TAB2: variants seen among roughly 807,000 people sequenced by gnomAD.
TAB2 encodes the protein TGF-beta-activated kinase 1 and MAP3K7-binding protein 2.
Under a neutral mutation model 65.0 loss-of-function variants are expected in TAB2, and 3 were observed. The observed-to-expected ratio is 0.05, with a 90% CI of 0.02 to 0.12. The LOEUF (loss-of-function observed/expected upper bound fraction) is 0.12, where lower values mean the gene tolerates loss of function less well. TAB2 is among the 10% of genes least tolerant of loss of function. The pLI is 1.00. For synonymous variants in TAB2, 298 were observed against 285.1 expected (o/e 1.05, Z -0.46); for missense variants, 623 against 840.3 (o/e 0.74, Z 3.20).
intron 1 of TAB2, among the ~76,000 whole-genome samples, chr6:149,281,384 AC>A (rs1778570311): frequency 6.6e-6 from 1 of 151,974 alleles, no homozygotes; most frequent in African/African-American, 2.4e-5. Flanking sequence ...AAGAGTTATA[AC>A]CAATAATCCA....
At chr6:149,403,243 A>ATATATATATAT (rs1289811809) in intron 6 of TAB2, among the ~76,000 whole-genome samples, 2 of 48,920 alleles carry the variant, frequency 4.1e-5, no homozygotes, top group African/African-American at 2.0e-4. Flanking sequence ...CTAAAAAAAA[A>ATATATATATAT]AAAAATATAT....
chr6:149,312,299 T>C (rs1779179041), intron 1 of TAB2, among the ~76,000 whole-genome samples: 1 of 152,228 alleles, frequency 6.6e-6, no homozygotes, highest in Admixed American at 6.5e-5. Flanking sequence ...AATGAATGAA[T>C]GATGCTCTTC....
At chr6:149,346,690 G>A (rs912925139) in intron 1 of TAB2, 1 of 152,026 alleles carries the variant, frequency 6.6e-6, no homozygotes, top group Non-Finnish European at 1.5e-5. Context: ...CTGACCTCAG[G>A]TGATTCGCCC....
At chr6:149,328,897 T>C (rs534114018) in intron 1 of TAB2, among the ~76,000 whole-genome samples, 6 of 152,266 alleles carry the variant, frequency 3.9e-5, no homozygotes, top group African/African-American at 1.4e-4. Flanking sequence ...TGACACTTAA[T>C]CTGAGTGTAT....
chr6:149,366,464 G>T, intron 1 of TAB2, among the ~76,000 whole-genome samples: 1 of 152,086 alleles, frequency 6.6e-6, no homozygotes, highest in East Asian at 1.9e-4. Context: ...TTATGATCAT[G>T]CCATTGTCTG....
chr6:149,344,324 C>G lies in TAB2; in HGVS notation c.-89-25585C>G, dbSNP rs188075327. 2.4e-3 allele frequency among the ~76,000 whole-genome samples: 365 copies of G among 152,086 alleles called. 2 individuals carry two copies. Among genetic ancestry groups the G allele is most frequent in the African/African-American group, 8.5e-3 (351 of 41,474 alleles). On this transcript the variant is annotated intron_variant, in intron 1 of 6. Coordinates refer to ENST00000637181, the MANE Select transcript of TAB2 (RefSeq NM_001292034.3). Reference sequence around the variant, plus strand: ...AGCTGGGATGTAGAAATCAATAAACCTTGTTTTAGTGAGCTTACAGACAAG... The same window carrying G: ...AGCTGGGATGTAGAAATCAATAAACGTTGTTTTAGTGAGCTTACAGACAAG...
chr6:149,283,004 T>C (rs2114687166), intron 1 of TAB2, among the ~76,000 whole-genome samples: 1 of 152,336 alleles, frequency 6.6e-6, no homozygotes, highest in South Asian at 2.1e-4. Context: ...TTCACGAAGA[T>C]TTTATTTCCT....
intron 1 of TAB2, among the ~76,000 whole-genome samples, chr6:149,269,153 G>A (rs77649771): frequency 0.053 from 8,075 of 152,214 alleles, 256 homozygotes; most frequent in Middle Eastern, 0.12. Flanking sequence ...TGAAAATTGA[G>A]TCTGAGGCAT....
At chr6:149,230,131 T>A (rs1391536162) in intron 1 of TAB2, 1 of 152,226 alleles carries the variant, frequency 6.6e-6, no homozygotes, top group African/African-American at 2.4e-5. Flanking sequence ...ACCTACTGGA[T>A]GAAACTGATA....
chr6:149,394,725 G>C (rs1401593655), intron 3 of TAB2, among the ~76,000 whole-genome samples: 2 of 152,170 alleles, frequency 1.3e-5, no homozygotes, highest in Non-Finnish European at 2.9e-5. Flanking sequence ...TCTTAGAGTA[G>C]TGCCTGAAGT....
At position 149,410,836 on chromosome 6, in the gene TAB2, T is replaced by G. The variant is rs189149106; in HGVS notation, c.*1117T>G. On this transcript the variant is annotated 3_prime_UTR_variant, in exon 7 of 7. Coordinates refer to ENST00000637181, the MANE Select transcript of TAB2 (RefSeq NM_001292034.3). ...CCACAGAACTTGCACAAGCAGTTGT[T>G]ATTGGGAAAGTACAGTCTCAAAACC... The G allele has an allele frequency of 5.2e-5, 8 of 152,558 alleles. No individual in the cohort carries two copies. Among genetic ancestry groups the G allele is most frequent in the African/African-American group, 1.9e-4 (8 of 41,556 alleles). The allele number at this position is 152,558 out of a possible 1,614,324, so 9.5% of individuals were successfully genotyped here.
rs1562452539 is a variant in TAB2, at chr6:149,397,753, C to A, written c.1753C>A (p.Gln585Lys). Reference protein sequence around the residue: ...RRLKRSNSISQIPSLEEMQQL... With the variant: ...RRLKRSNSISKIPSLEEMQQL... The stretch of plus-strand genomic sequence containing the variant: ...CCTGAAAAGATCAAATTCTATATCC[C>A]AGATACCTTCCGTAAGTCTTTATGT... Residue 585 changes from glutamine to lysine, a missense_variant, in exon 4 of 7, where the codon CAG (glutamine) becomes AAG (lysine). Gln to Lys is a moderately conservative substitution (Grantham distance 53). Around this residue, in one of 3 missense-constraint regions of TAB2, gnomAD observed 550 missense variants for 665.7 expected, o/e 0.83. Coordinates refer to ENST00000637181, the MANE Select transcript of TAB2 (RefSeq NM_001292034.3). 2 of 1,613,326 alleles carry A rather than the reference C, an allele frequency of 1.2e-6. No individual in the cohort carries two copies. Among genetic ancestry groups the A allele is most frequent in the Non-Finnish European group, 1.7e-6 (2 of 1,180,000 alleles).
intron 1 of TAB2, among the ~76,000 whole-genome samples, chr6:149,309,554 G>A (rs1038299013): frequency 2.6e-5 from 4 of 151,846 alleles, no homozygotes; most frequent in Admixed American, 6.6e-5. Context: ...CCGCCACCAC[G>A]CCCGGCTAAT....
intron 1 of TAB2, among the ~76,000 whole-genome samples, chr6:149,333,572 A>C (rs1020586769): frequency 5.9e-5 from 9 of 152,198 alleles, no homozygotes; most frequent in Admixed American, 4.6e-4. Context: ...GTTTCTCTTC[A>C]GTATTTTTAT....
rs144353596 is a variant in TAB2 at position 149,306,795 on chromosome 6, G to A, written c.-120-71223G>A. On this transcript the variant is annotated intron_variant, in intron 1 of 1. Coordinates refer to the TAB2 transcript ENST00000606202. ...TGTGCTGGGCATCCTGCCCCTGCTG[G>A]GTTCAGCAGGGCAGGAAAGTTGTGG... is the stretch of plus-strand genomic sequence containing the variant. Among the ~76,000 whole-genome samples, 15 of 152,258 alleles carry A rather than the reference G, an allele frequency of 9.9e-5. 1 individual carries two copies. The East Asian group carries it at 2.9e-3, about 29-fold the overall frequency.
At chr6:149,295,126 T>A (rs1272949402) in intron 1 of TAB2, among the ~76,000 whole-genome samples, 2 of 152,206 alleles carry the variant, frequency 1.3e-5, no homozygotes, top group Admixed American at 6.5e-5. Flanking sequence ...GGTGGACACC[T>A]AAAACAGGGT....
At chr6:149,228,129 G>A (rs1407410479) in intron 1 of TAB2, among the ~76,000 whole-genome samples, 1 of 151,880 alleles carries the variant, frequency 6.6e-6, no homozygotes, top group Admixed American at 6.6e-5. Context: ...TGCAAAAACA[G>A]AACCTGCCCC....
chr6:149,394,959 G>T (rs980521578), intron 3 of TAB2, among the ~76,000 whole-genome samples: 1 of 152,232 alleles, frequency 6.6e-6, no homozygotes, highest in South Asian at 2.1e-4. Flanking sequence ...AAACAAATGA[G>T]CAAGGCTGTA....
At chr6:149,402,019 C>G (rs933124244) in intron 6 of TAB2, among the ~76,000 whole-genome samples, 1 of 145,192 alleles carries the variant, frequency 6.9e-6, no homozygotes, top group African/African-American at 2.6e-5. Flanking sequence ...AAAGAAAGAT[C>G]TCAATTATAC....
Sources: gnomAD v4.1 joint callset for allele counts (sites outside exome capture counted in the v4.1 genomes callset) on GRCh38, gnomAD v4.1.1 for gene constraint, gnomAD v4.1.1 regional missense constraint, MANE v1.5 for transcripts, NCBI Gene and HGNC (gene_info 2026-07-23, HGNC 2026-07-21) for gene names.